Variants in CCDC61 observed in about 807,000 individuals in gnomAD.
The protein encoded by CCDC61 is coiled-coil domain containing 61, also known as centrosomal protein CCDC61.
A neutral mutation model predicts 63.0 loss-of-function variants in CCDC61; 55 were observed. The observed-to-expected ratio is 0.87, with a 90% CI of 0.70 to 1.09. CCDC61 has a LOEUF of 1.09. CCDC61 is among the 50% of genes least tolerant of loss of function. The probability of loss-of-function intolerance (pLI) is 0.00; values close to 1 mark genes in which losing one functional copy is unlikely to be tolerated. For synonymous variants in CCDC61, 270 were observed against 317.0 expected (o/e 0.85, Z 1.58); for missense variants, 651 against 731.4 (o/e 0.89, Z 1.27).
In CCDC61 at chr19:46,006,680, G is replaced by T; in HGVS notation, c.353G>T (p.Arg118Leu). 1 of 1,613,532 alleles carries T rather than the reference G, an allele frequency of 6.2e-7. No homozygotes were observed. The highest frequency in any genetic ancestry group is 8.5e-7 in the Non-Finnish European group (1 of 1,179,692). ...AGGTCGGCCCAGCTCAACTCCAAGC[G>T]CTACCTGATCCTCATCTACTCCGTG... ...APRSAQLNSK[R>L]YLILIYSVEF... is the part of the protein sequence containing the mutation. The change falls in exon 4 of 14, where the codon CGC becomes CTC. Residue 118 changes from arginine (R) to leucine (L), a missense_variant. Coordinates refer to ENST00000595358, the MANE Select transcript of CCDC61 (RefSeq NM_001267723.2).
At chr19:45,997,474 T>G (rs949381786) in intron 1 of CCDC61, among the ~76,000 whole-genome samples, 13 of 151,904 alleles carry the variant, frequency 8.6e-5, no homozygotes, top group Non-Finnish European at 8.8e-5. Flanking sequence ...CACGGTAGCC[T>G]CCACCTCCTG....
chr19:46,016,147 G>C lies in CCDC61; in HGVS notation c.939G>C (p.Ala313=). The C allele has an allele frequency of 2.4e-6, 3 of 1,249,008 alleles. No homozygotes were observed. In the South Asian group the frequency reaches 1.1e-4, roughly 45 times the overall value. The allele number at this position is 1,249,008 out of a possible 1,614,324, so 77.4% of individuals were successfully genotyped here. The part of the protein sequence containing the change: ...ERSASRGRGA[A]RSSSRESGRG... The stretch of plus-strand genomic sequence containing the variant: ...CCGCGTCGCGAGGCCGCGGCGCCGC[G>C]CGCTCCTCATCCCGGGAGAGCGGCC... Residue 313 remains alanine, a synonymous_variant, in exon 8 of 14, where the codon GCG becomes GCC. Coordinates refer to ENST00000595358, the MANE Select transcript of CCDC61 (RefSeq NM_001267723.2). This position sits in a 1 kb window ranked among gnomAD's most constrained non-coding sequence, Gnocchi z 7.2.
chr19:46,009,107 A>C (rs1235463979), intron 5 of CCDC61, among the ~76,000 whole-genome samples: 1 of 152,176 alleles, frequency 6.6e-6, no homozygotes, highest in African/African-American at 2.4e-5. Flanking sequence ...GGAGGCTGTC[A>C]CAGGACTCCA....
chr19:45,997,375 A>T (rs1407095651), intron 1 of CCDC61, among the ~76,000 whole-genome samples: 1 of 152,014 alleles, frequency 6.6e-6, no homozygotes, highest in East Asian at 1.9e-4. Flanking sequence ...TCATAACACC[A>T]CTACCTGATA....
chr19:46,001,894 A>G (rs1204982264), intron 1 of CCDC61, among the ~76,000 whole-genome samples: 1 of 152,192 alleles, frequency 6.6e-6, no homozygotes, highest in South Asian at 2.1e-4. Context: ...CCTTACCTGG[A>G]GTTTCAAGGA....
intron 1 of CCDC61, among the ~76,000 whole-genome samples, chr19:46,000,408 G>A (rs1219073812): frequency 6.6e-6 from 1 of 151,990 alleles, no homozygotes; most frequent in Non-Finnish European, 1.5e-5. Context: ...TGGGTGGCTG[G>A]TGTAGGGAGG....
chr19:46,011,992 G>A (rs1250235761), intron 5 of CCDC61, among the ~76,000 whole-genome samples: 1 of 152,078 alleles, frequency 6.6e-6, no homozygotes, highest in Non-Finnish European at 1.5e-5. Flanking sequence ...TAGTAGAGAC[G>A]GGGTTTCACC....
intron 5 of CCDC61, among the ~76,000 whole-genome samples, chr19:46,012,678 T>C (rs1378233983): frequency 1.3e-5 from 2 of 150,150 alleles, no homozygotes; most frequent in Non-Finnish European, 3.0e-5. Flanking sequence ...AAATCAAAAG[T>C]AGTCATTTCC....
At chr19:46,010,231 G>A (rs1318200401) in intron 5 of CCDC61, among the ~76,000 whole-genome samples, 2 of 152,220 alleles carry the variant, frequency 1.3e-5, no homozygotes, top group Non-Finnish European at 2.9e-5. Flanking sequence ...GCTCAGAGAT[G>A]TGAAGTGAAA....
At chr19:45,997,260 G>T (rs983197870) in intron 1 of CCDC61, among the ~76,000 whole-genome samples, 2 of 152,094 alleles carry the variant, frequency 1.3e-5, no homozygotes, top group East Asian at 3.9e-4. Flanking sequence ...CCTCTTTCAG[G>T]TCTCCGCTCA....
chr19:46,000,091 G>C, intron 1 of CCDC61: 1 of 983,430 alleles, frequency 1.0e-6, no homozygotes, highest in South Asian at 4.7e-5. Context: ...GGAGGGGAGA[G>C]GGGGCTCAGG....
intron 12 of CCDC61, among the ~76,000 whole-genome samples, chr19:46,017,853 GT>G (rs1167383652): frequency 6.6e-6 from 1 of 152,120 alleles, no homozygotes; most frequent in East Asian, 1.9e-4. Context: ...CTGTACCTTA[GT>G]TTTTGTTTAT....
Position 46,016,531 on chromosome 19 carries a change from T to G in CCDC61, c.1091+138T>G, listed in dbSNP as rs1968940413. 1 of 1,372,714 alleles carries G rather than the reference T, an allele frequency of 7.3e-7. No homozygotes were observed. The highest frequency in any genetic ancestry group is 1.0e-6 in the Non-Finnish European group (1 of 994,814). The allele number at this position is 1,372,714 out of a possible 1,614,324, so 85.0% of individuals were successfully genotyped here. The stretch of plus-strand genomic sequence containing the variant: ...CGCCGGATACCCCGCCTGCTCTCCC[T>G]TCCGTCCGTCCTACCTCCTCGTCTG... On this transcript the variant is annotated intron_variant, in intron 9 of 13. Transcript: ENST00000595358. The surrounding 1 kb of genome is among the most constrained non-coding windows in gnomAD (Gnocchi z 7.2).
At chr19:46,005,362 C>T (rs1240264878) in intron 3 of CCDC61, among the ~76,000 whole-genome samples, 2 of 152,180 alleles carry the variant, frequency 1.3e-5, no homozygotes, top group Non-Finnish European at 2.9e-5. Context: ...TCTGCATCCT[C>T]ATCAGTGAAC....
At chr19:46,004,967 T>C (rs1483412185) in intron 3 of CCDC61, among the ~76,000 whole-genome samples, 1 of 150,788 alleles carries the variant, frequency 6.6e-6, no homozygotes, top group East Asian at 2.0e-4. Context: ...GCCTCCCAAG[T>C]AGCTGGGACT....
intron 1 of CCDC61, among the ~76,000 whole-genome samples, chr19:46,000,413 G>C (rs1284611827): frequency 6.6e-6 from 1 of 151,976 alleles, no homozygotes; most frequent in African/African-American, 2.4e-5. Context: ...GGCTGGTGTA[G>C]GGAGGAGAGT....
chr19:46,012,023 G>A (rs192348324), intron 5 of CCDC61, among the ~76,000 whole-genome samples: 3 of 152,258 alleles, frequency 2.0e-5, no homozygotes, highest in Non-Finnish European at 2.9e-5. Flanking sequence ...GGCTGATCTC[G>A]AACTCTCGAC....
intron 2 of CCDC61, 57 bp downstream of exon 2, chr19:46,003,223 C>G (rs1968627176): frequency 1.3e-6 from 2 of 1,540,132 alleles, no homozygotes; most frequent in Non-Finnish European, 1.8e-6. Flanking sequence ...CAGCTTCTCC[C>G]AGAATATCAG....
At chr19:46,003,522 T>C in intron 3 of CCDC61, 21 bp downstream of exon 3, 2 of 1,539,502 alleles carry the variant, frequency 1.3e-6, no homozygotes, top group Non-Finnish European at 1.8e-6. Context: ...GGTTGGCGGG[T>C]TGGGGTGGGA....
Sources: allele counts gnomAD v4.1 joint callset (sites outside exome capture counted in the v4.1 genomes callset), GRCh38; gene constraint gnomAD v4.1.1; non-coding constraint Gnocchi (gnomAD v3.1); transcripts MANE v1.5; gene names NCBI Gene and HGNC (gene_info 2026-07-23, HGNC 2026-07-21).